Variants in DENND2B observed in about 807,000 individuals in gnomAD.
DENND2B encodes the protein DENN domain-containing protein 2B.
In DENND2B, 32 loss-of-function variants were observed where a neutral mutation model predicts 116.0. The observed-to-expected ratio is 0.28, with a 90% CI of 0.21 to 0.37. The LOEUF (loss-of-function observed/expected upper bound fraction) is 0.37. Ranked by LOEUF, DENND2B falls within the 10% of genes least tolerant of loss-of-function variation. The pLI is 1.00. For missense variants in DENND2B, 1,276 were observed against 1,477.7 expected (o/e 0.86, Z 2.24); for synonymous variants, 588 against 583.9 (o/e 1.01, Z -0.10).
At chr11:8,870,754 G>T (rs1345481973) in intron 2 of DENND2B, 1 of 152,292 alleles carries the variant, frequency 6.6e-6, no homozygotes, top group Non-Finnish European at 1.5e-5. Context: ...AGCAGAGCCG[G>T]CGGCTACTGA....
chr11:8,839,963 T>G (rs372907466), intron 3 of DENND2B, among the ~76,000 whole-genome samples: 4 of 151,988 alleles, frequency 2.6e-5, no homozygotes, highest in African/African-American at 9.7e-5. Flanking sequence ...CTGGACAGTC[T>G]ATGAGACAAG....
Position 8,698,984 on chromosome 11 carries a change from G to A in DENND2B, c.2899-10C>T. The A allele has an allele frequency of 6.2e-7, 1 of 1,614,118 alleles. No homozygotes were observed. Among genetic ancestry groups the A allele is most frequent in the Non-Finnish European group, 8.5e-7 (1 of 1,180,022 alleles). On this transcript the variant is annotated splice_polypyrimidine_tract_variant and intron_variant, in intron 15 of 19. Coordinates refer to ENST00000313726, the MANE Select transcript of DENND2B (RefSeq NM_213618.2). ...GATTCACCATCAGCGCCTGAGAAAA[G>A]GAGTCATTAGCAGAGTGGCTCAGGG...
In DENND2B at chr11:8,710,985, C is replaced by A. The variant is rs773685900; in HGVS notation, c.2283-71G>T. ...AGGAAACAGCCCCCAAGAATAGGGA[C>A]CGTCATTTTCACGTGGGGTGAAGGG... On this transcript the variant is annotated intron_variant, in intron 10 of 19. Transcript: ENST00000313726. 3 of 1,590,268 alleles carry A rather than the reference C, an allele frequency of 1.9e-6. No individual in the cohort carries two copies. In the Admixed American group the frequency reaches 5.1e-5, roughly 27 times the overall value.
At chr11:8,841,680 C>A (rs2062628330) in intron 3 of DENND2B, among the ~76,000 whole-genome samples, 1 of 152,058 alleles carries the variant, frequency 6.6e-6, no homozygotes, top group South Asian at 2.1e-4. Flanking sequence ...TTTGTAAAAT[C>A]CCATATGCCA....
intron 4 of DENND2B, among the ~76,000 whole-genome samples, chr11:8,833,187 G>T (rs1030551732): frequency 6.6e-6 from 1 of 152,050 alleles, no homozygotes; most frequent in Non-Finnish European, 1.5e-5. Flanking sequence ...GCTTTTTTTA[G>T]TCCTACTGTT....
chr11:8,826,716 A>G (rs1049479836), intron 4 of DENND2B, among the ~76,000 whole-genome samples: 5 of 152,218 alleles, frequency 3.3e-5, no homozygotes, highest in Non-Finnish European at 5.9e-5. Context: ...CTTTTTCCCC[A>G]AGGTTAAGAA....
chr11:8,733,091 A>G (rs1021741054), intron 2 of DENND2B, among the ~76,000 whole-genome samples: 3 of 152,232 alleles, frequency 2.0e-5, no homozygotes, highest in African/African-American at 4.8e-5. Context: ...GTATATGGGC[A>G]CAGATGAGAG....
At chr11:8,803,737 C>A (rs1310173641) in intron 1 of DENND2B, among the ~76,000 whole-genome samples, 1 of 152,182 alleles carries the variant, frequency 6.6e-6, no homozygotes, top group East Asian at 1.9e-4. Flanking sequence ...TCCCAACTTA[C>A]AGATGAAAAC....
intron 3 of DENND2B, among the ~76,000 whole-genome samples, chr11:8,851,624 C>T (rs1301821144): frequency 6.6e-6 from 1 of 152,090 alleles, no homozygotes. Context: ...AAATGTTCAT[C>T]CCTTTTACTT....
chr11:8,857,858 C>A (rs1300310879), intron 2 of DENND2B, among the ~76,000 whole-genome samples: 1 of 152,238 alleles, frequency 6.6e-6, no homozygotes, highest in Non-Finnish European at 1.5e-5. Flanking sequence ...GACTAGTTCA[C>A]CCTATAGCCC....
rs990111411 is a variant in DENND2B, at chr11:8,693,897, C to T, written c.*199G>A. The T allele has an allele frequency of 5.2e-5, 28 of 539,606 alleles. 1 individual carries two copies. Among genetic ancestry groups the T allele is most frequent in the Non-Finnish European group, 9.7e-6 (3 of 308,730 alleles). 33.4% of individuals were successfully genotyped at this position (539,606 alleles called of 1,614,324 possible). A position where few individuals can be genotyped will look rare whatever the true frequency, so the allele number is the denominator to read the frequency against. ...TTTGCCATATTCTCTTTGCTTGTTA[C>T]AAAAAACAGTTAAGAAAGCTTACAG... On this transcript the variant is annotated 3_prime_UTR_variant, in exon 20 of 20. Coordinates refer to ENST00000313726, the MANE Select transcript of DENND2B (RefSeq NM_213618.2).
chr11:8,891,832 C>T lies in DENND2B; in HGVS notation c.-255-10723G>A, dbSNP rs181256086. On this transcript the variant is annotated intron_variant, in intron 1 of 22. Coordinates refer to the DENND2B transcript ENST00000534127. Reference sequence around the variant, plus strand: ...CCACTATCAACATTAGACAGATCAACGGGACAGAAAGTTAACAAGGATATC... The same window carrying T: ...CCACTATCAACATTAGACAGATCAATGGGACAGAAAGTTAACAAGGATATC... Among the ~76,000 whole-genome samples, 68 of 152,254 alleles carry T rather than the reference C, an allele frequency of 4.5e-4. No homozygotes were observed. In the East Asian group the frequency reaches 9.1e-3, roughly 20 times the overall value.
intron 1 of DENND2B, among the ~76,000 whole-genome samples, chr11:8,897,330 C>G (rs563958244): frequency 6.6e-6 from 1 of 152,244 alleles, no homozygotes; most frequent in South Asian, 2.1e-4. Context: ...AAAAATCAAA[C>G]TATTGAACCT....
At chr11:8,697,995 C>T (rs1269411733) in intron 16 of DENND2B, 1 of 433,358 alleles carries the variant, frequency 2.3e-6, no homozygotes. Flanking sequence ...AACAATTAGT[C>T]AAGTATGGTG....
At chr11:8,694,378 C>T (rs2039941691) in intron 19 of DENND2B, among the ~76,000 whole-genome samples, 1 of 152,186 alleles carries the variant, frequency 6.6e-6, no homozygotes, top group African/African-American at 2.4e-5. Flanking sequence ...TAAACAGAAA[C>T]ATGCTATGAT....
intron 2 of DENND2B, among the ~76,000 whole-genome samples, chr11:8,746,159 A>C (rs966758071): frequency 6.6e-6 from 1 of 152,204 alleles, no homozygotes; most frequent in Admixed American, 6.5e-5. Context: ...CTGCAGCACT[A>C]TCTTTTACCC....
At chr11:8,908,780 G>A (rs142072318) in intron 1 of DENND2B, among the ~76,000 whole-genome samples, 2,217 of 152,190 alleles carry the variant, frequency 0.015, 55 homozygotes, top group African/African-American at 0.051. Context: ...TTTGTTCTTG[G>A]TATTATAGAT....
intron 1 of DENND2B, among the ~76,000 whole-genome samples, chr11:8,751,614 C>T (rs1051790459): frequency 3.3e-5 from 5 of 152,130 alleles, no homozygotes; most frequent in African/African-American, 9.7e-5. Context: ...TCAGAAGGAA[C>T]AAACTACAGA....
intron 3 of DENND2B, among the ~76,000 whole-genome samples, chr11:8,856,784 T>TTGACTGGG (rs2063210544): frequency 6.6e-6 from 1 of 151,638 alleles, no homozygotes; most frequent in South Asian, 2.1e-4. Context: ...CAGACAGGTC[T>TTGACTGGG]TGACTGTCAC....
Sources: gnomAD v4.1 joint callset for allele counts (sites outside exome capture counted in the v4.1 genomes callset) on GRCh38, gnomAD v4.1.1 for gene constraint, MANE v1.5 for transcripts, NCBI Gene and HGNC (gene_info 2026-07-23, HGNC 2026-07-21) for gene names.